The following SEC14L2 variants were observed in gnomAD, a reference collection of about 807,000 sequenced individuals.
The protein encoded by SEC14L2 is SEC14-like protein 2.
A neutral mutation model predicts 56.9 loss-of-function variants in SEC14L2; 50 were observed. That is an observed-to-expected ratio of 0.88 (90% CI 0.70 to 1.11). SEC14L2 has a LOEUF of 1.11. Ranked by LOEUF, SEC14L2 falls within the 50% of genes most tolerant of loss-of-function variation. The pLI, the probability that SEC14L2 is intolerant of heterozygous loss-of-function variation, is 0.00. For missense variants in SEC14L2, 414 were observed against 500.7 expected, an observed-to-expected ratio of 0.83 and a Z score of 1.65; for synonymous variants, 179 against 188.5, an observed-to-expected ratio of 0.95 and a Z score of 0.41.
intron 2 of SEC14L2, among the ~76,000 whole-genome samples, chr22:30,399,938 G>A (rs536212888): frequency 1.8e-4 from 27 of 152,230 alleles, no homozygotes; most frequent in Non-Finnish European, 3.4e-4. Context: ...CACAGTGAGC[G>A]AACTGCAGGC....
intron 8 of SEC14L2, among the ~76,000 whole-genome samples, chr22:30,411,391 A>C (rs1934241730): frequency 6.6e-6 from 1 of 152,214 alleles, no homozygotes; most frequent in African/African-American, 2.4e-5. Flanking sequence ...GAGCAGCTTC[A>C]TTTGACAAGC....
Position 30,397,199 on chromosome 22 carries a change from G to A in SEC14L2, c.54+29G>A, listed in dbSNP as rs535177498. 166 of 1,496,082 alleles carry A rather than the reference G, an allele frequency of 1.1e-4. 3 individuals are homozygous for A. In the South Asian group the frequency reaches 2.1e-3, roughly 19 times the overall value. The allele number at this position is 1,496,082 out of a possible 1,614,324, so 92.7% of individuals were successfully genotyped here. On this transcript the variant is annotated intron_variant, in intron 1 of 11. Transcript: ENST00000615189. ...AGCTGTAGCCCTGGCCCGGGCTCCC[G>A]CCTCGGGCTGTGGCCCTCGCCCTCC...
At chr22:30,400,621 G>A (rs962355272) in intron 2 of SEC14L2, among the ~76,000 whole-genome samples, 3 of 151,972 alleles carry the variant, frequency 2.0e-5, no homozygotes, top group African/African-American at 7.3e-5. Context: ...ATGGCCAGGT[G>A]CGGTGGCTCA....
At position 30,422,452 on chromosome 22, in the gene SEC14L2, C is replaced by A; in HGVS notation, c.*45C>A. ...CCTGGCCCCCTCAGTGTCTCCCTGTCAATTTCTACCCCTTGTAGCAGTCAT... is the reference window on the plus strand; with the variant it reads ...CCTGGCCCCCTCAGTGTCTCCCTGTAAATTTCTACCCCTTGTAGCAGTCAT... On this transcript the variant is annotated 3_prime_UTR_variant, in exon 12 of 12. Transcript: ENST00000615189. 1 of 1,610,708 alleles carries A rather than the reference C, an allele frequency of 6.2e-7. No homozygotes were observed. The highest frequency in any genetic ancestry group is 1.1e-5 in the South Asian group (1 of 90,696).
chr22:30,415,607 C>T, intron 8 of SEC14L2, 152 bp from the exon 9 acceptor site: 3 of 667,810 alleles, frequency 4.5e-6, no homozygotes, highest in South Asian at 1.8e-5. Flanking sequence ...TATGCATGCA[C>T]TGTGTGCTCC....
In SEC14L2 at chr22:30,410,588, T is replaced by C. The variant is rs757697136; in HGVS notation, c.581-8T>C. On this transcript the variant is annotated splice_region_variant and splice_polypyrimidine_tract_variant and intron_variant, in intron 7 of 11. Transcript: ENST00000615189. ...TCCCAGCCTCACATTATCTGGTCTC[T>C]GTTCCAGCCCCCAAACTGTTTCCTG... The C allele has an allele frequency of 3.1e-6, 5 of 1,613,888 alleles. No individual in the cohort carries two copies. The Admixed American group carries it at 6.7e-5, about 22-fold the overall frequency.
chr22:30,405,736 G>T (rs776057805), intron 2 of SEC14L2, among the ~76,000 whole-genome samples: 1 of 152,134 alleles, frequency 6.6e-6, no homozygotes, highest in African/African-American at 2.4e-5. Flanking sequence ...GAGTATAGTA[G>T]CGAGATCTCA....
At chr22:30,406,516 TC>T in intron 3 of SEC14L2, 131 bp downstream of exon 3, 1 of 841,646 alleles carries the variant, frequency 1.2e-6, no homozygotes. Context: ...TGTTGCCTTA[TC>T]CCTCTGGGAC....
At chr22:30,417,564 G>GC (rs752474707) in intron 11 of SEC14L2, among the ~76,000 whole-genome samples, 1 of 10,392 alleles carries the variant, frequency 9.6e-5, no homozygotes, top group Admixed American at 1.2e-3. Context: ...CTGCTACACT[G>GC]GGGTATCTCA....
At position 30,406,364 on chromosome 22, in the gene SEC14L2, G is replaced by T. The variant is rs1447175529; in HGVS notation, c.153G>T (p.Lys51Asn). 3 of 1,613,980 alleles carry T rather than the reference G, an allele frequency of 1.9e-6. No individual in the cohort carries two copies. Among genetic ancestry groups the T allele is most frequent in the African/African-American group, 1.3e-5 (1 of 74,908 alleles). The change falls in exon 3 of 12, where the codon AAG (lysine) becomes AAT (asparagine). Residue 51 changes from lysine to asparagine, a missense_variant. Lys to Asn is a moderately conservative substitution (Grantham distance 94, BLOSUM62 0). Coordinates refer to ENST00000615189, the MANE Select transcript of SEC14L2 (RefSeq NM_012429.5). ...CAGCCAGAAGCTTCGACCTGCAGAA[G>T]TCGGAGGCCATGCTCCGGAAGGTGA... ...WLRARSFDLQKSEAMLRKHVE... is the reference protein window; with the variant it reads ...WLRARSFDLQNSEAMLRKHVE...
chr22:30,406,783 T>G (rs533382494), intron 3 of SEC14L2, among the ~76,000 whole-genome samples: 1 of 152,356 alleles, frequency 6.6e-6, no homozygotes, highest in East Asian at 1.9e-4. Context: ...AGAGTCTCGC[T>G]CTGTCACCCA....
intron 2 of SEC14L2, among the ~76,000 whole-genome samples, chr22:30,405,396 T>C (rs945580125): frequency 4.6e-5 from 7 of 152,228 alleles, no homozygotes; most frequent in Admixed American, 1.3e-4. Context: ...ATTGCAGCTA[T>C]GATTACCTGG....
intron 2 of SEC14L2, among the ~76,000 whole-genome samples, chr22:30,402,208 G>A (rs1933958525): frequency 6.6e-6 from 1 of 152,206 alleles, no homozygotes; most frequent in Admixed American, 6.5e-5. Flanking sequence ...TTGCTAAAGG[G>A]CTGCAGCTAG....
chr22:30,399,937 C>T (rs1008417470), intron 2 of SEC14L2, among the ~76,000 whole-genome samples: 1 of 152,238 alleles, frequency 6.6e-6, no homozygotes, highest in Non-Finnish European at 1.5e-5. Flanking sequence ...ACACAGTGAG[C>T]GAACTGCAGG....
intron 2 of SEC14L2, 131 bp downstream of exon 2, chr22:30,399,849 T>C: frequency 1.5e-6 from 1 of 669,236 alleles, no homozygotes; most frequent in Non-Finnish European, 2.5e-6. Context: ...AAAGGGCCCT[T>C]GGCAATGACA....
chr22:30,397,229 G>A (rs1449835028), intron 1 of SEC14L2, 59 bp downstream of exon 1: 2 of 1,403,802 alleles, frequency 1.4e-6, no homozygotes, highest in African/African-American at 1.5e-5. Context: ...CCCTCCTGCG[G>A]CAGCGAGAAG....
intron 11 of SEC14L2, among the ~76,000 whole-genome samples, chr22:30,418,556 CA>C (rs982584106): frequency 5.3e-5 from 8 of 152,182 alleles, no homozygotes; most frequent in African/African-American, 1.9e-4. Flanking sequence ...TGCAAACCCC[CA>C]AATTTATTTT....
intron 5 of SEC14L2, among the ~76,000 whole-genome samples, chr22:30,408,476 T>C (rs1438883333): frequency 1.3e-5 from 2 of 151,910 alleles, no homozygotes; most frequent in Non-Finnish European, 2.9e-5. Context: ...TACCAGCTAC[T>C]AGGGAGGCTG....
At chr22:30,408,088 C>T (rs1483643448) in intron 5 of SEC14L2, among the ~76,000 whole-genome samples, 3 of 146,724 alleles carry the variant, frequency 2.0e-5, no homozygotes, top group South Asian at 2.1e-4. Flanking sequence ...CCAGCCTGGG[C>T]GACAGAGACT....
Sources: gnomAD v4.1 joint callset for allele counts (sites outside exome capture counted in the v4.1 genomes callset) on GRCh38, gnomAD v4.1.1 for gene constraint, MANE v1.5 for transcripts, NCBI Gene and HGNC (gene_info 2026-07-23, HGNC 2026-07-21) for gene names.